COL13A1: variants seen among roughly 807,000 people sequenced by gnomAD.
The protein encoded by COL13A1 is collagen alpha-1(XIII) chain.
A neutral mutation model predicts 130.9 loss-of-function variants in COL13A1; 89 were observed. The observed-to-expected ratio is 0.68, with a 90% CI of 0.57 to 0.81. The LOEUF (loss-of-function observed/expected upper bound fraction) is 0.81, where lower values mean the gene tolerates loss of function less well. COL13A1 is among the 30% of genes least tolerant of loss of function. The pLI is 0.00. For synonymous variants in COL13A1, 402 were observed against 341.6 expected, an observed-to-expected ratio of 1.18 and a Z score of -1.95; for missense variants, 879 against 934.6, an observed-to-expected ratio of 0.94 and a Z score of 0.78.
At chr10:69,813,850 C>T (rs1010822905) in intron 1 of COL13A1, among the ~76,000 whole-genome samples, 3 of 152,204 alleles carry the variant, frequency 2.0e-5, no homozygotes, top group Admixed American at 6.5e-5. Flanking sequence ...CCCATGGGGC[C>T]AGCACTGAGC....
At chr10:69,837,568 A>C (rs1411243286) in intron 2 of COL13A1, among the ~76,000 whole-genome samples, 2 of 152,166 alleles carry the variant, frequency 1.3e-5, no homozygotes. Context: ...CCCACCACAC[A>C]ACTATTTCTA....
At chr10:69,844,252 A>G (rs953819614) in intron 2 of COL13A1, among the ~76,000 whole-genome samples, 14 of 152,214 alleles carry the variant, frequency 9.2e-5, no homozygotes, top group Admixed American at 1.3e-4. Context: ...GTGGCTGTCC[A>G]GGGAGGATGG....
chr10:69,835,561 C>T (rs1849824615), intron 2 of COL13A1, among the ~76,000 whole-genome samples: 2 of 152,188 alleles, frequency 1.3e-5, no homozygotes, highest in South Asian at 4.1e-4. Context: ...CTTCACTGCA[C>T]CCTCCCACCA....
Position 69,921,970 on chromosome 10 carries a change from T to G in COL13A1, c.1143+35T>G, listed in dbSNP as rs753986010. 9 of 1,579,626 alleles carry G rather than the reference T, an allele frequency of 5.7e-6. No homozygotes were observed. In the South Asian group the frequency reaches 1.1e-4, roughly 18 times the overall value. ...GCTCTGAATGGAGGGTTCAAGTCCT[T>G]CGTCACCCACATCCCATACCTGGCC... is the stretch of plus-strand genomic sequence containing the variant. On this transcript the variant is annotated intron_variant, in intron 22 of 40. Coordinates refer to ENST00000645393, the MANE Select transcript of COL13A1 (RefSeq NM_001368882.1).
At chr10:69,863,066 C>T (rs759984046) in intron 2 of COL13A1, among the ~76,000 whole-genome samples, 11 of 152,268 alleles carry the variant, frequency 7.2e-5, no homozygotes, top group African/African-American at 1.2e-4. Context: ...GACTGAGGCA[C>T]GGGAGGAGCC....
chr10:69,898,741 C>T lies in COL13A1; in HGVS notation c.729C>T (p.Val243=). The part of the protein sequence containing the change: ...LNSVRLAPPP[V]IKRRTFQGEQ... ...CAGTGCGACTGGCTCCACCCCCGGT[C>T]ATAAAAAGGCGGACGTTCCAGGTAG... is the stretch of plus-strand genomic sequence containing the variant. Residue 243 remains valine, a synonymous_variant, in exon 14 of 41, where the codon GTC becomes GTT. Coordinates refer to ENST00000645393, the MANE Select transcript of COL13A1 (RefSeq NM_001368882.1). 6 of 1,613,390 alleles carry T rather than the reference C, an allele frequency of 3.7e-6. No individual in the cohort carries two copies. Among genetic ancestry groups the T allele is most frequent in the Non-Finnish European group, 5.1e-6 (6 of 1,179,632 alleles).
At chr10:69,932,181 G>A (rs570021925) in intron 30 of COL13A1, among the ~76,000 whole-genome samples, 1 of 152,228 alleles carries the variant, frequency 6.6e-6, no homozygotes, top group South Asian at 2.1e-4. Flanking sequence ...GTGTGTTCAT[G>A]TAACATATTT....
At chr10:69,807,936 C>T (rs1261795145) in intron 1 of COL13A1, among the ~76,000 whole-genome samples, 1 of 152,184 alleles carries the variant, frequency 6.6e-6, no homozygotes, top group Non-Finnish European at 1.5e-5. Flanking sequence ...GCACACTTTC[C>T]CATGGAGCTT....
chr10:69,827,562 A>G (rs2132787793), intron 2 of COL13A1, among the ~76,000 whole-genome samples: 3 of 152,330 alleles, frequency 2.0e-5, no homozygotes, highest in Non-Finnish European at 4.4e-5. Flanking sequence ...GTATTCTAGA[A>G]CAATAACTAG....
intron 2 of COL13A1, among the ~76,000 whole-genome samples, chr10:69,862,544 C>G (rs1395573701): frequency 6.6e-6 from 1 of 152,152 alleles, no homozygotes; most frequent in Non-Finnish European, 1.5e-5. Context: ...CCTTCACAGG[C>G]CAGTGAAGGG....
intron 38 of COL13A1, among the ~76,000 whole-genome samples, 199 bp from the exon 39 acceptor site, chr10:69,952,683 C>T (rs1208322653): frequency 6.6e-6 from 1 of 152,200 alleles, no homozygotes; most frequent in Non-Finnish European, 1.5e-5. Context: ...CTCCCACCCA[C>T]CTTAGCCAAA....
chr10:69,935,456 C>T, intron 32 of COL13A1, 65 bp downstream of exon 32: 1 of 1,254,482 alleles, frequency 8.0e-7, no homozygotes, highest in Non-Finnish European at 1.1e-6. Flanking sequence ...AGTCACTGGG[C>T]TCAACCTCAG....
At chr10:69,859,604 T>G (rs1243097371) in intron 2 of COL13A1, among the ~76,000 whole-genome samples, 1 of 152,204 alleles carries the variant, frequency 6.6e-6, no homozygotes, top group African/African-American at 2.4e-5. Flanking sequence ...GCCCAGAGAC[T>G]TGTCTTCCTT....
rs115091095 is a variant in COL13A1 at position 69,838,229 on chromosome 10, T to C, written c.364+15791T>C. ...CTATACAGGCCTAGACAGGATCTGG[T>C]AGGAGCCTGGGCTTTAGAGACAGAG... On this transcript the variant is annotated intron_variant, in intron 2 of 40. Transcript: ENST00000645393. Among the ~76,000 whole-genome samples the C allele has an allele frequency of 5.3e-3, 808 of 152,320 alleles. 5 individuals are homozygous for C. The highest frequency in any genetic ancestry group is 0.019 in the African/African-American group (779 of 41,582).
At chr10:69,880,335 C>A (rs1215836419) in intron 6 of COL13A1, among the ~76,000 whole-genome samples, 168 bp from the exon 7 acceptor site, 3 of 152,144 alleles carry the variant, frequency 2.0e-5, no homozygotes, top group African/African-American at 7.2e-5. Flanking sequence ...CTCTGCTGAT[C>A]CCCTCGTGGC....
chr10:69,925,108 A>C, intron 25 of COL13A1, 101 bp downstream of exon 25: 1 of 1,257,928 alleles, frequency 7.9e-7, no homozygotes, highest in Non-Finnish European at 1.1e-6. Flanking sequence ...TTATTTTGCC[A>C]AGGTTAAGGG....
Position 69,928,925 on chromosome 10 carries a change from T to C in COL13A1, c.1423-12T>C, listed in dbSNP as rs756137182. ...GGACAGTTCTTCCATGTGTCTTTCC[T>C]TTCTCTCCTAGGGGCCTCCTGGTCT... On this transcript the variant is annotated splice_polypyrimidine_tract_variant and intron_variant, in intron 27 of 40. Coordinates refer to ENST00000645393, the MANE Select transcript of COL13A1 (RefSeq NM_001368882.1). The C allele has an allele frequency of 3.7e-6, 6 of 1,610,738 alleles. No individual in the cohort carries two copies. The highest frequency in any genetic ancestry group is 4.2e-6 in the Non-Finnish European group (5 of 1,177,498).
At chr10:69,886,744 A>G (rs2134494615) in intron 7 of COL13A1, among the ~76,000 whole-genome samples, 1 of 152,278 alleles carries the variant, frequency 6.6e-6, no homozygotes, top group Non-Finnish European at 1.5e-5. Context: ...TTCTAATCTC[A>G]TCACATCCCC....
At chr10:69,895,399 T>C in intron 12 of COL13A1, 151 bp from the exon 13 acceptor site, 1 of 789,730 alleles carries the variant, frequency 1.3e-6, no homozygotes, top group Non-Finnish European at 2.2e-6. Flanking sequence ...GACTTAGTTC[T>C]TCTGCCTCAG....
Sources: gnomAD v4.1 joint callset for allele counts (sites outside exome capture counted in the v4.1 genomes callset) on GRCh38, gnomAD v4.1.1 for gene constraint, MANE v1.5 for transcripts, NCBI Gene and HGNC (gene_info 2026-07-23, HGNC 2026-07-21) for gene names.